The following DIP2C variants were observed in gnomAD, a reference collection of about 807,000 sequenced individuals.
DIP2C encodes disco-interacting protein 2 homolog C.
In DIP2C, 33 loss-of-function variants were observed where a neutral mutation model predicts 192.4. The observed-to-expected ratio is 0.17, with a 90% CI of 0.13 to 0.23. The LOEUF is 0.23. Ranked by LOEUF, DIP2C falls within the 10% of genes least tolerant of loss-of-function variation. The pLI, the probability that DIP2C is intolerant of heterozygous loss-of-function variation, is 1.00. For synonymous variants in DIP2C, 979 were observed against 864.1 expected (o/e 1.13, Z -2.33); for missense variants, 1,537 against 2,110.1 (o/e 0.73, Z 5.32).
Position 396,487 on chromosome 10 carries a change from G to A in DIP2C, c.1260+2622C>T, listed in dbSNP as rs973535669. Among the ~76,000 whole-genome samples the A allele has an allele frequency of 5.3e-5, 8 of 152,186 alleles. No homozygotes were observed. In the East Asian group the frequency reaches 1.3e-3, roughly 26 times the overall value. On this transcript the variant is annotated intron_variant, in intron 10 of 36. Transcript: ENST00000280886. ...ATTGTTACGAATAACAATGATAAAT[G>A]TTTTGTGTCTGGTTATTGAACCATC...
At chr10:415,596 C>A (rs1965574715) in intron 7 of DIP2C, among the ~76,000 whole-genome samples, 173 bp downstream of exon 7, 1 of 152,172 alleles carries the variant, frequency 6.6e-6, no homozygotes, top group Admixed American at 6.5e-5. Flanking sequence ...TAGAGACCTG[C>A]CGACACCAAG....
At chr10:377,271 C>A (rs4573619) in intron 17 of DIP2C, among the ~76,000 whole-genome samples, 89,057 of 152,092 alleles carry the variant, frequency 0.59, 26,181 homozygotes, top group East Asian at 0.77. Context: ...TTTCTATTTC[C>A]AGGGGAGGTT....
At chr10:394,387 G>C (rs1589693456) in intron 10 of DIP2C, among the ~76,000 whole-genome samples, 1 of 150,906 alleles carries the variant, frequency 6.6e-6, no homozygotes. Context: ...AGCGAGGAGG[G>C]AACCCTGCCG....
chr10:448,150 C>A, intron 3 of DIP2C, among the ~76,000 whole-genome samples: 1 of 126,526 alleles, frequency 7.9e-6, no homozygotes, highest in African/African-American at 4.4e-5. Flanking sequence ...CACAGTGGGG[C>A]AGCAGGACCC....
chr10:350,949 G>A (rs1231071795), intron 24 of DIP2C, among the ~76,000 whole-genome samples: 2 of 152,116 alleles, frequency 1.3e-5, no homozygotes, highest in African/African-American at 4.8e-5. Context: ...CCCAGCCCAG[G>A]AATTCTTATG....
rs527686733 is a variant in DIP2C, at chr10:379,343, G to A, written c.1991+3304C>T. 2.0e-4 allele frequency among the ~76,000 whole-genome samples: 30 copies of A among 152,198 alleles called. No individual in the cohort carries two copies. In the South Asian group the frequency reaches 5.6e-3, roughly 28 times the overall value. On this transcript the variant is annotated intron_variant, in intron 17 of 36. Transcript: ENST00000280886. ...GTATTTATCAAGCGGGATACTGGAGGTTCCATTGATCCTGTGAGCCCCAGA... is the reference window on the plus strand; with the variant it reads ...GTATTTATCAAGCGGGATACTGGAGATTCCATTGATCCTGTGAGCCCCAGA...
chr10:530,120 C>G (rs574562128), intron 1 of DIP2C, among the ~76,000 whole-genome samples: 111 of 152,346 alleles, frequency 7.3e-4, no homozygotes, highest in African/African-American at 2.6e-3. Flanking sequence ...CCCGGAGCAT[C>G]CCGGACATGC....
chr10:353,126 G>A (rs1958903673), intron 24 of DIP2C, among the ~76,000 whole-genome samples: 1 of 152,048 alleles, frequency 6.6e-6, no homozygotes, highest in Admixed American at 6.6e-5. Flanking sequence ...ATGAGGGCTG[G>A]CTTTTCCCCC....
At chr10:414,581 T>C (rs1057012477) in intron 7 of DIP2C, among the ~76,000 whole-genome samples, 1 of 151,602 alleles carries the variant, frequency 6.6e-6, no homozygotes, top group Non-Finnish European at 1.5e-5. Context: ...ATGATCACAG[T>C]TCCCTGCAGC....
At chr10:634,304 T>A (rs1854702353) in intron 1 of DIP2C, among the ~76,000 whole-genome samples, 1 of 152,232 alleles carries the variant, frequency 6.6e-6, no homozygotes, top group South Asian at 2.1e-4. Context: ...TTAGCTGAGT[T>A]TTCTGGCGGT....
chr10:638,485 G>A (rs1473907029), intron 1 of DIP2C, among the ~76,000 whole-genome samples: 1 of 152,100 alleles, frequency 6.6e-6, no homozygotes, highest in Non-Finnish European at 1.5e-5. Flanking sequence ...TCAAATTATG[G>A]TGCCAATTCA....
At chr10:582,935 T>G (rs1850760030) in intron 1 of DIP2C, among the ~76,000 whole-genome samples, 1 of 152,238 alleles carries the variant, frequency 6.6e-6, no homozygotes, top group Admixed American at 6.5e-5. Flanking sequence ...TGATGTATAT[T>G]CAAGTGTTAC....
At chr10:602,920 C>T (rs1360489565) in intron 1 of DIP2C, among the ~76,000 whole-genome samples, 1 of 152,164 alleles carries the variant, frequency 6.6e-6, no homozygotes, top group Non-Finnish European at 1.5e-5. Flanking sequence ...CGCCTCTCAA[C>T]ACAACAGTGG....
intron 3 of DIP2C, among the ~76,000 whole-genome samples, chr10:463,751 G>A (rs571332612): frequency 1.3e-5 from 2 of 152,196 alleles, no homozygotes; most frequent in East Asian, 3.9e-4. Context: ...CTATAGACAA[G>A]GCTACAGTAA....
intron 31 of DIP2C, chr10:324,742 T>C (rs1957186599): frequency 2.9e-6 from 1 of 346,344 alleles, no homozygotes; most frequent in Non-Finnish European, 5.9e-6. Context: ...TGCTCAACAC[T>C]CCCACGGCGC....
chr10:599,130 C>A (rs1340037730), intron 1 of DIP2C, among the ~76,000 whole-genome samples: 1 of 152,148 alleles, frequency 6.6e-6, no homozygotes, highest in Non-Finnish European at 1.5e-5. Flanking sequence ...AAGTTAGAGA[C>A]CCAGAAACCC....
At chr10:681,526 A>G (rs1831133157) in intron 1 of DIP2C, among the ~76,000 whole-genome samples, 1 of 151,474 alleles carries the variant, frequency 6.6e-6, no homozygotes, top group Non-Finnish European at 1.5e-5. Context: ...AATTCCAGGG[A>G]ATGCAGCCCC....
At chr10:416,953 G>A (rs76964109) in intron 6 of DIP2C, among the ~76,000 whole-genome samples, 4,851 of 152,258 alleles carry the variant, frequency 0.032, 122 homozygotes, top group Non-Finnish European at 0.048. Context: ...GCGGGGAATA[G>A]AACAGAATTC....
chr10:409,117 C>T lies in DIP2C; in HGVS notation c.1058-100G>A, dbSNP rs112762293. The T allele has an allele frequency of 1.1e-4, 132 of 1,214,288 alleles. 1 individual carries two copies. The African/African-American group carries it at 1.4e-3, about 13-fold the overall frequency. The allele number at this position is 1,214,288 out of a possible 1,614,324, so 75.2% of individuals were successfully genotyped here. On this transcript the variant is annotated intron_variant, in intron 8 of 36. Coordinates refer to ENST00000280886, the MANE Select transcript of DIP2C (RefSeq NM_014974.3). ...GGACATGAGTCCATTCTGCTTCCTG[C>T]GTATCATGGTCTGCAAGCGACTTGA...
Sources: gnomAD v4.1 joint callset for allele counts (sites outside exome capture counted in the v4.1 genomes callset) on GRCh38, gnomAD v4.1.1 for gene constraint, MANE v1.5 for transcripts, NCBI Gene and HGNC (gene_info 2026-07-23, HGNC 2026-07-21) for gene names.